The following FBF1 variants were observed in gnomAD, a reference collection of about 807,000 sequenced individuals.
The protein encoded by FBF1 is Fas binding factor 1, also known as fas-binding factor 1.
Under a neutral mutation model 147.2 loss-of-function variants are expected in FBF1, and 119 were observed. The ratio of observed to expected loss-of-function variants is 0.81; its 90% CI spans 0.70 to 0.94. FBF1 has a LOEUF of 0.94. FBF1 is among the 40% of genes least tolerant of loss of function. The probability of loss-of-function intolerance (pLI) is 0.00; values close to 1 mark genes in which losing one functional copy is unlikely to be tolerated. For missense variants in FBF1, 1,449 were observed against 1,500.8 expected, an observed-to-expected ratio of 0.97 and a Z score of 0.57; for synonymous variants, 601 against 609.0, an observed-to-expected ratio of 0.99 and a Z score of 0.19.
rs777879778 is a variant in FBF1, at chr17:75,920,373, C to T, written c.1731G>A (p.Lys577=). 15 of 1,605,962 alleles carry T rather than the reference C, an allele frequency of 9.3e-6. No individual in the cohort carries two copies. The highest frequency in any genetic ancestry group is 1.7e-5 in the Admixed American group (1 of 58,768). Residue 577 remains lysine, a synonymous_variant, in exon 18 of 30, where the codon AAG becomes AAA. Transcript: ENST00000636174. ...GTTGCACCTGTGCTGCCAGGAGCTG[C>T]TTCTGGTATTCTGTGCTCGGCAGCA... The part of the protein sequence containing the change: ...RSLLPSTEYQ[K]QLLAAQVQLQ...
At chr17:75,934,115 C>T (rs188372230) in intron 4 of FBF1, among the ~76,000 whole-genome samples, 37 of 152,112 alleles carry the variant, frequency 2.4e-4, no homozygotes, top group East Asian at 9.6e-4. Flanking sequence ...TCATAACAGC[C>T]GAAATGTGGA....
intron 25 of FBF1, 21 bp from the exon 26 acceptor site, chr17:75,914,319 G>C: frequency 6.3e-7 from 1 of 1,577,542 alleles, no homozygotes; most frequent in Non-Finnish European, 8.6e-7. Context: ...CGGAGGCCCT[G>C]CTGCATTCTC....
chr17:75,920,649 G>A (rs951831163), intron 17 of FBF1, among the ~76,000 whole-genome samples: 7 of 152,256 alleles, frequency 4.6e-5, no homozygotes, highest in East Asian at 3.9e-4. Context: ...TCCACCCTCC[G>A]GAACAGCTTC....
chr17:75,921,093 G>A (rs528903498), intron 17 of FBF1, 151 bp downstream of exon 17: 2 of 763,900 alleles, frequency 2.6e-6, no homozygotes, highest in African/African-American at 1.7e-5. Context: ...AAGTTCTAGT[G>A]GGGGGTGCCC....
At chr17:75,927,988 C>CTACTAG in intron 8 of FBF1, 88 bp downstream of exon 8, 1 of 1,082,214 alleles carries the variant, frequency 9.2e-7, no homozygotes, top group South Asian at 1.4e-5. Context: ...TGAACGCTTC[C>CTACTAG]TACTAGCATC....
chr17:75,934,083 C>T (rs924048786), intron 4 of FBF1, among the ~76,000 whole-genome samples: 4 of 152,098 alleles, frequency 2.6e-5, no homozygotes, highest in South Asian at 2.1e-4. Flanking sequence ...AACTAGTACA[C>T]GAACGTTCAT....
chr17:75,920,836 G>T (rs911453432), intron 17 of FBF1, among the ~76,000 whole-genome samples: 6 of 151,826 alleles, frequency 4.0e-5, no homozygotes, highest in African/African-American at 9.7e-5. Context: ...CTCCTGGGGG[G>T]GGGGGGGGCA....
Position 75,918,530 on chromosome 17 carries a change from C to G in FBF1, c.2139-261G>C, listed in dbSNP as rs2065503378. Among the ~76,000 whole-genome samples the G allele has an allele frequency of 6.6e-6, 1 of 152,234 alleles. No homozygotes were observed. Among genetic ancestry groups the G allele is most frequent in the South Asian group, 2.1e-4 (1 of 4,836 alleles). On this transcript the variant is annotated intron_variant, in intron 20 of 29. Transcript: ENST00000636174. This position sits in a 1 kb window ranked among gnomAD's most constrained non-coding sequence, Gnocchi z 5.8. ...TTGCTCTGTCACCCAGAGTCTCTCA[C>G]TCTGTCGCCCAGGCTGGAGTTCAGT...
chr17:75,931,355 G>T, intron 5 of FBF1, 66 bp from the exon 6 acceptor site: 1 of 1,436,242 alleles, frequency 7.0e-7, no homozygotes, highest in South Asian at 1.2e-5. Flanking sequence ...AAAAGGGGAG[G>T]AGTAGCTTAG....
intron 23 of FBF1, among the ~76,000 whole-genome samples, chr17:75,915,915 G>A (rs1301385359): frequency 6.6e-6 from 1 of 150,542 alleles, no homozygotes; most frequent in Non-Finnish European, 1.5e-5. Context: ...GGCTGAGGCA[G>A]GAGAATCCCT....
intron 4 of FBF1, among the ~76,000 whole-genome samples, 171 bp from the exon 5 acceptor site, chr17:75,933,259 T>C (rs1422329800): frequency 6.6e-6 from 1 of 151,770 alleles, no homozygotes; most frequent in East Asian, 1.9e-4. Flanking sequence ...GGAGAGAGGG[T>C]GGTACATTTC....
At chr17:75,939,130 T>C (rs1480569030) in intron 1 of FBF1, among the ~76,000 whole-genome samples, 1 of 151,568 alleles carries the variant, frequency 6.6e-6, no homozygotes, top group African/African-American at 2.4e-5. Flanking sequence ...ACCCCATTTC[T>C]ACTAAAAATA....
intron 7 of FBF1, among the ~76,000 whole-genome samples, chr17:75,929,491 G>A (rs533769646): frequency 5.3e-5 from 8 of 152,190 alleles, no homozygotes; most frequent in African/African-American, 4.8e-5. Context: ...TGGCTGGAAG[G>A]AGAGGGAGAA....
intron 28 of FBF1, among the ~76,000 whole-genome samples, chr17:75,912,861 C>T (rs2065464044): frequency 6.6e-6 from 1 of 152,030 alleles, no homozygotes; most frequent in Non-Finnish European, 1.5e-5. Flanking sequence ...GCCAACATGG[C>T]AAAACCCTAT....
intron 28 of FBF1, among the ~76,000 whole-genome samples, 178 bp from the exon 29 acceptor site, chr17:75,912,485 A>C (rs9895947): frequency 0.45 from 68,067 of 152,140 alleles, 18,568 homozygotes; most frequent in African/African-American, 0.77. Flanking sequence ...TCCTACCTGG[A>C]AAGACCATTT....
rs552528832 is a variant in FBF1, at chr17:75,914,524, T to A, written c.2814+223A>T. 9.7e-4 allele frequency: 828 copies of A among 857,884 alleles called. 3 individuals are homozygous for A. The highest frequency in any genetic ancestry group is 1.3e-3 in the Non-Finnish European group (774 of 578,460). The allele number at this position is 857,884 out of a possible 1,614,324, so 53.1% of individuals were successfully genotyped here. On this transcript the variant is annotated intron_variant, in intron 25 of 29. Coordinates refer to ENST00000636174, the MANE Select transcript of FBF1 (RefSeq NM_001319193.2). ...GAAGTTCGGTTTCCTCATTTCTAAA[T>A]GACCAAAGTCATGGGAACATGAGGA...
chr17:75,912,060 A>G (rs1391735676), intron 29 of FBF1, 132 bp downstream of exon 29: 1 of 816,982 alleles, frequency 1.2e-6, no homozygotes, highest in African/African-American at 1.7e-5. Context: ...TGGCTCACTA[A>G]GCAAACTGCA....
chr17:75,928,768 A>G lies in FBF1; in HGVS notation c.280-575T>C, dbSNP rs1490848200. On this transcript the variant is annotated intron_variant, in intron 7 of 29. Transcript: ENST00000636174. The surrounding 1 kb of genome is among the most constrained non-coding windows in gnomAD (Gnocchi z 4.2). ...GGTTGCAGTGAGCCGAGATCATGCCACTGCACTCCAGCCTAGGCAACAGAG... is the reference window on the plus strand; with the variant it reads ...GGTTGCAGTGAGCCGAGATCATGCCGCTGCACTCCAGCCTAGGCAACAGAG... Among the ~76,000 whole-genome samples, 1 of 152,100 alleles carries G rather than the reference A, an allele frequency of 6.6e-6. No homozygotes were observed.
Position 75,931,265 on chromosome 17 carries a change from G to T in FBF1, c.192C>A (p.Phe64Leu). ...RTKSLLGDDV[F>L]STMAGLEEAD... The stretch of plus-strand genomic sequence containing the variant: ...CTTCTTCCAGGCCTGCCATGGTGCT[G>T]AAGACATCATCACCCAGGAGGGACC... Residue 64 changes from phenylalanine to leucine, a missense_variant, in exon 6 of 30, where the codon TTC becomes TTA. Transcript: ENST00000636174. 1 of 1,584,290 alleles carries T rather than the reference G, an allele frequency of 6.3e-7. No homozygotes were observed.
Sources: gnomAD v4.1 joint callset for allele counts (sites outside exome capture counted in the v4.1 genomes callset) on GRCh38, gnomAD v4.1.1 for gene constraint, Gnocchi (gnomAD v3.1) non-coding constraint, MANE v1.5 for transcripts, NCBI Gene and HGNC (gene_info 2026-07-23, HGNC 2026-07-21) for gene names.